Variants in SNX6 observed in about 807,000 individuals in gnomAD.
SNX6 encodes the protein sorting nexin 6.
In SNX6, 34 loss-of-function variants were observed where a neutral mutation model predicts 63.0. The ratio of observed to expected loss-of-function variants is 0.54; its 90% CI spans 0.41 to 0.72. SNX6 has a LOEUF of 0.72. Among genes scored for constraint, SNX6 ranks in the 30% least tolerant of loss-of-function variants. SNX6 has a pLI of 0.00. For synonymous variants in SNX6, 170 were observed against 164.2 expected (o/e 1.04, Z -0.27); for missense variants, 398 against 471.4 (o/e 0.84, Z 1.44).
chr14:34,606,737 C>T (rs901240719), intron 4 of SNX6, among the ~76,000 whole-genome samples: 4 of 152,000 alleles, frequency 2.6e-5, no homozygotes, highest in Non-Finnish European at 4.4e-5. Context: ...CCACCGTGGC[C>T]GGCCGAGACT....
intron 2 of SNX6, among the ~76,000 whole-genome samples, chr14:34,618,571 G>A (rs1487399823): frequency 2.6e-5 from 4 of 152,022 alleles, no homozygotes; most frequent in Admixed American, 6.6e-5. Flanking sequence ...GGCTGGTCTC[G>A]AACTCCCAAC....
chr14:34,593,680 T>G (rs1433593411), intron 7 of SNX6, among the ~76,000 whole-genome samples: 1 of 151,520 alleles, frequency 6.6e-6, no homozygotes, highest in African/African-American at 2.4e-5. Flanking sequence ...CAAGTGATTC[T>G]CCTGCCTCAG....
rs142849617 is a variant in SNX6, at chr14:34,625,381, T to C, written c.54+4526A>G. Among the ~76,000 whole-genome samples, 716 of 152,288 alleles carry C rather than the reference T, an allele frequency of 4.7e-3. 7 individuals are homozygous for C. The highest frequency in any genetic ancestry group is 0.016 in the African/African-American group (681 of 41,568). On this transcript the variant is annotated intron_variant, in intron 2 of 13. Coordinates refer to ENST00000362031, the MANE Select transcript of SNX6 (RefSeq NM_152233.4). Reference sequence around the variant, plus strand: ...AAATGAGGAAATAGCAGGATAACTTTCTGCAGCAGTAATCAAATTTCAGTG... The same window carrying C: ...AAATGAGGAAATAGCAGGATAACTTCCTGCAGCAGTAATCAAATTTCAGTG...
intron 11 of SNX6, chr14:34,568,846 C>T (rs570843187): frequency 5.6e-6 from 6 of 1,078,478 alleles, no homozygotes; most frequent in East Asian, 4.7e-5. Flanking sequence ...CTTGGAGCCT[C>T]GGCTAAAGTG....
chr14:34,609,214 G>A (rs1006227758), intron 3 of SNX6, among the ~76,000 whole-genome samples: 6 of 151,904 alleles, frequency 3.9e-5, no homozygotes, highest in East Asian at 1.9e-4. Flanking sequence ...GGCTGGGCGC[G>A]GTGGCTCACG....
At chr14:34,591,123 GTTCA>G (rs1882375478) in intron 8 of SNX6, among the ~76,000 whole-genome samples, 1 of 151,816 alleles carries the variant, frequency 6.6e-6, no homozygotes, top group Non-Finnish European at 1.5e-5. Context: ...TGATGTGTGT[GTTCA>G]TTATTTTGAT....
chr14:34,604,342 C>T, intron 5 of SNX6: 1 of 1,133,752 alleles, frequency 8.8e-7, no homozygotes, highest in Non-Finnish European at 1.1e-6. Context: ...ATGTGCTCTG[C>T]TCATTTCCAA....
chr14:34,597,944 C>T (rs1010177864), intron 6 of SNX6, among the ~76,000 whole-genome samples: 1 of 152,108 alleles, frequency 6.6e-6, no homozygotes, highest in Non-Finnish European at 1.5e-5. Flanking sequence ...AGCCCTCTCA[C>T]CATATTTTGT....
chr14:34,587,075 G>A (rs1369451831), intron 8 of SNX6, among the ~76,000 whole-genome samples: 3 of 148,178 alleles, frequency 2.0e-5, no homozygotes, highest in Non-Finnish European at 4.5e-5. Context: ...ATTAATAGAC[G>A]TGACATGATC....
rs937755785 is a variant in SNX6 at position 34,605,593 on chromosome 14, T to C, written c.392+3A>G. Reference sequence around the variant, plus strand: ...AAAACAAAAAAATAAAAAAATCACTTACGCTTCCAGTTCCTGTTTCATCTT... The same window carrying C: ...AAAACAAAAAAATAAAAAAATCACTCACGCTTCCAGTTCCTGTTTCATCTT... On this transcript the variant is annotated splice_donor_region_variant and intron_variant, in intron 5 of 13. Transcript: ENST00000362031. The C allele has an allele frequency of 1.3e-6, 2 of 1,562,674 alleles. No individual in the cohort carries two copies. The highest frequency in any genetic ancestry group is 1.7e-6 in the Non-Finnish European group (2 of 1,162,448).
At chr14:34,603,257 G>T in intron 6 of SNX6, 91 bp downstream of exon 6, 1 of 1,299,844 alleles carries the variant, frequency 7.7e-7, no homozygotes, top group Non-Finnish European at 1.0e-6. Context: ...CTGTACTCCA[G>T]CCTGGAAGAC....
intron 11 of SNX6, among the ~76,000 whole-genome samples, chr14:34,570,822 C>G (rs1332870476): frequency 6.7e-6 from 1 of 148,976 alleles, no homozygotes; most frequent in Non-Finnish European, 1.5e-5. Flanking sequence ...CTCCCGGGTT[C>G]ATGCCATTCT....
intron 8 of SNX6, among the ~76,000 whole-genome samples, chr14:34,588,960 T>A (rs1207198317): frequency 1.4e-5 from 2 of 146,928 alleles, no homozygotes; most frequent in Admixed American, 1.4e-4. Flanking sequence ...ATGGCAAAAC[T>A]CTGTCTCTAC....
intron 4 of SNX6, among the ~76,000 whole-genome samples, chr14:34,607,572 T>C (rs1883070843): frequency 6.6e-6 from 1 of 151,932 alleles, no homozygotes; most frequent in Non-Finnish European, 1.5e-5. Context: ...ATCAGGCCAT[T>C]GCATTCCAGC....
rs931586695 is a variant in SNX6 at position 34,584,532 on chromosome 14, G to A, written c.794+1698C>T. Among the ~76,000 whole-genome samples the A allele has an allele frequency of 4.0e-5, 6 of 151,868 alleles. 1 individual carries two copies. Among genetic ancestry groups the A allele is most frequent in the South Asian group, 4.2e-4 (2 of 4,796 alleles). On this transcript the variant is annotated intron_variant, in intron 9 of 13. Transcript: ENST00000362031. ...GTGACAGAGCAAGACACCGTCTTCC[G>A]GGGGGCGGGTGGCAGAATCAATTTC... is the stretch of plus-strand genomic sequence containing the variant.
rs757729604 is a variant in SNX6 at position 34,563,172 on chromosome 14, T to G, written c.1171A>C (p.Asn391His). 4 of 1,613,112 alleles carry G rather than the reference T, an allele frequency of 2.5e-6. No individual in the cohort carries two copies. Among genetic ancestry groups the G allele is most frequent in the Non-Finnish European group, 3.4e-6 (4 of 1,179,514 alleles). ...AELELKHAKG[N>H]LQLLQNCLAV... is the part of the protein sequence containing the mutation. ...AGGCAGTTCTGCAGCAACTGTAGATTACCCTAAAAAAGGAAGAAAAAATAA... is the reference window on the plus strand; with the variant it reads ...AGGCAGTTCTGCAGCAACTGTAGATGACCCTAAAAAAGGAAGAAAAAATAA... The change falls in exon 14 of 14, where the codon AAT (asparagine) becomes CAT (histidine). Residue 391 changes from asparagine (N) to histidine (H), a missense_variant. Asn to His is a moderately conservative substitution (Grantham distance 68). Transcript: ENST00000362031.
intron 3 of SNX6, among the ~76,000 whole-genome samples, chr14:34,609,248 G>A (rs530756609): frequency 2.6e-5 from 4 of 151,930 alleles, no homozygotes; most frequent in African/African-American, 9.6e-5. Context: ...CACTTTGGGC[G>A]GATAACAAGG....
intron 2 of SNX6, among the ~76,000 whole-genome samples, chr14:34,625,971 T>C (rs1594754775): frequency 6.6e-6 from 1 of 152,152 alleles, no homozygotes; most frequent in African/African-American, 2.4e-5. Flanking sequence ...ATATCAGAAA[T>C]GTGTTTTAAA....
At chr14:34,619,372 A>G (rs1171888022) in intron 2 of SNX6, among the ~76,000 whole-genome samples, 4 of 151,984 alleles carry the variant, frequency 2.6e-5, no homozygotes, top group African/African-American at 7.3e-5. Flanking sequence ...CAGTGAGCTG[A>G]TATCGCACCA....
Sources: gnomAD v4.1 joint callset for allele counts (sites outside exome capture counted in the v4.1 genomes callset) on GRCh38, gnomAD v4.1.1 for gene constraint, MANE v1.5 for transcripts, NCBI Gene and HGNC (gene_info 2026-07-23, HGNC 2026-07-21) for gene names.